PSMD1: variants seen among roughly 807,000 people sequenced by gnomAD.
PSMD1 encodes proteasome 26S subunit, non-ATPase 1, also known as 26S proteasome non-ATPase regulatory subunit 1.
A neutral mutation model predicts 119.0 loss-of-function variants in PSMD1; 18 were observed. That is an observed-to-expected ratio of 0.15 (90% CI 0.10 to 0.22). PSMD1 has a LOEUF of 0.22. Among genes scored for constraint, PSMD1 ranks in the 10% least tolerant of loss-of-function variants. The pLI, the probability that PSMD1 is intolerant of heterozygous loss-of-function variation, is 1.00. For synonymous variants in PSMD1, 374 were observed against 396.6 expected, an observed-to-expected ratio of 0.94 and a Z score of 0.68; for missense variants, 702 against 1,158.5, an observed-to-expected ratio of 0.61 and a Z score of 5.72.
intron 16 of PSMD1, among the ~76,000 whole-genome samples, chr2:231,101,813 G>T (rs760204440): frequency 1.3e-5 from 2 of 152,118 alleles, no homozygotes; most frequent in Non-Finnish European, 2.9e-5. Flanking sequence ...TAGCTATAAA[G>T]GTTGTTGGGT....
At chr2:231,094,073 G>T (rs955725034) in intron 16 of PSMD1, among the ~76,000 whole-genome samples, 3 of 152,170 alleles carry the variant, frequency 2.0e-5, no homozygotes, top group African/African-American at 2.4e-5. Flanking sequence ...AATTTAGGAT[G>T]TGAGTAACAT....
Position 231,057,058 on chromosome 2 carries a change from G to A in PSMD1, c.16+17G>A. 2 of 1,515,980 alleles carry A rather than the reference G, an allele frequency of 1.3e-6. No individual in the cohort carries two copies. The highest frequency in any genetic ancestry group is 1.8e-6 in the Non-Finnish European group (2 of 1,134,262). 93.9% of individuals were successfully genotyped at this position (1,515,980 alleles called of 1,614,324 possible). ...CCTCGGCCGGTGAGTGCGGCCCGTAGCCAGCGCCTGGAGGGAGGAGCCGCC... is the reference window on the plus strand; with the variant it reads ...CCTCGGCCGGTGAGTGCGGCCCGTAACCAGCGCCTGGAGGGAGGAGCCGCC... On this transcript the variant is annotated intron_variant, in intron 1 of 24. Coordinates refer to ENST00000308696, the MANE Select transcript of PSMD1 (RefSeq NM_002807.4).
chr2:231,168,243 A>ACC, intron 23 of PSMD1, among the ~76,000 whole-genome samples: 1 of 152,252 alleles, frequency 6.6e-6, no homozygotes, highest in African/African-American at 2.4e-5. Context: ...CACAGTGGAA[A>ACC]AAAAGAATTT....
chr2:231,110,174 G>T (rs1695106508), intron 16 of PSMD1, among the ~76,000 whole-genome samples: 1 of 152,048 alleles, frequency 6.6e-6, no homozygotes, highest in African/African-American at 2.4e-5. Context: ...ATGAAAATTA[G>T]CCAGGCATGG....
chr2:231,136,301 G>C (rs896196066), intron 16 of PSMD1, among the ~76,000 whole-genome samples: 1 of 152,200 alleles, frequency 6.6e-6, no homozygotes, highest in Non-Finnish European at 1.5e-5. Context: ...TGAAGGTCTT[G>C]AAACAGCCTT....
At chr2:231,162,876 T>A (rs1306184602) in intron 20 of PSMD1, among the ~76,000 whole-genome samples, 2 of 145,842 alleles carry the variant, frequency 1.4e-5, no homozygotes, top group East Asian at 2.0e-4. Context: ...GGCGGGTGGA[T>A]CACGAGGTCA....
At chr2:231,098,204 G>A (rs1406510482) in intron 16 of PSMD1, among the ~76,000 whole-genome samples, 1 of 152,212 alleles carries the variant, frequency 6.6e-6, no homozygotes, top group African/African-American at 2.4e-5. Context: ...AAAGCTACAG[G>A]TTGTAAGTGG....
chr2:231,120,843 A>G (rs772152589), intron 16 of PSMD1, among the ~76,000 whole-genome samples: 2 of 152,234 alleles, frequency 1.3e-5, no homozygotes, highest in African/African-American at 4.8e-5. Flanking sequence ...AGTCCTAAAG[A>G]TTAACACTAC....
intron 1 of PSMD1, 120 bp downstream of exon 1, chr2:231,057,161 CTG>C: frequency 1.6e-6 from 2 of 1,256,052 alleles, no homozygotes. Flanking sequence ...CAGCTTCTTG[CTG>C]CCCAGGGCCC....
chr2:231,162,237 A>G (rs1027381229), intron 20 of PSMD1, among the ~76,000 whole-genome samples: 1 of 152,240 alleles, frequency 6.6e-6, no homozygotes, highest in Non-Finnish European at 1.5e-5. Flanking sequence ...GTTCTTTAAA[A>G]GTCAAAAGGC....
chr2:231,087,242 A>G (rs1172792741), intron 16 of PSMD1, 61 bp downstream of exon 16: 2 of 1,340,312 alleles, frequency 1.5e-6, no homozygotes, highest in Non-Finnish European at 2.1e-6. Flanking sequence ...TGTAGTAGTC[A>G]CTACCGAAAC....
At chr2:231,071,391 A>G (rs1461602567) in intron 6 of PSMD1, among the ~76,000 whole-genome samples, 3 of 152,048 alleles carry the variant, frequency 2.0e-5, no homozygotes, top group Non-Finnish European at 2.9e-5. Context: ...AAGTCTTCCT[A>G]TTACTTGGCT....
At chr2:231,168,416 A>G (rs1026521361) in intron 23 of PSMD1, among the ~76,000 whole-genome samples, 1 of 152,362 alleles carries the variant, frequency 6.6e-6, no homozygotes, top group Admixed American at 6.5e-5. Context: ...TAAATGTCTT[A>G]TCAACTGATG....
chr2:231,121,396 TAATAAACATTTGG>T lies in PSMD1; in HGVS notation c.1884-17337_1884-17325del, dbSNP rs201321302. Reference sequence around the variant, plus strand: ...AAATAAATAAAAATAAATTTAAAGTTAATAAACATTTGGAAGAATGAAATAATATTAAAATGTC... The same window carrying T: ...AAATAAATAAAAATAAATTTAAAGTTAAGAATGAAATAATATTAAAATGTC... On this transcript the variant is annotated intron_variant, in intron 16 of 24. Transcript: ENST00000308696. 7.7e-4 allele frequency among the ~76,000 whole-genome samples: 117 copies of T among 152,244 alleles called. No homozygotes were observed. In the East Asian group the frequency reaches 0.019, roughly 25 times the overall value.
At chr2:231,087,210 T>C in intron 16 of PSMD1, 29 bp downstream of exon 16, 1 of 1,590,458 alleles carries the variant, frequency 6.3e-7, no homozygotes, top group Non-Finnish European at 8.6e-7. Flanking sequence ...TTATTCTATT[T>C]ATATTTCATT....
chr2:231,136,534 C>G (rs2125245689), intron 16 of PSMD1, among the ~76,000 whole-genome samples: 2 of 152,348 alleles, frequency 1.3e-5, no homozygotes, highest in South Asian at 4.1e-4. Flanking sequence ...CTGTCTTGTT[C>G]ACAGGTATCT....
intron 17 of PSMD1, among the ~76,000 whole-genome samples, chr2:231,139,314 CTTTTTTTTTTTTT>C (rs60709158): frequency 5.3e-5 from 5 of 93,540 alleles, no homozygotes; most frequent in East Asian, 6.6e-4. Flanking sequence ...TTTTTTCTTT[CTTTTTTTTTTTTT>C]TTTTTTTTTT....
In PSMD1 at chr2:231,080,307, G is replaced by A. The variant is rs1390976254; in HGVS notation, c.1406G>A (p.Ser469Asn). 5 of 1,596,478 alleles carry A rather than the reference G, an allele frequency of 3.1e-6. No individual in the cohort carries two copies. Among genetic ancestry groups the A allele is most frequent in the Admixed American group, 1.7e-5 (1 of 58,204 alleles). Residue 469 changes from serine to asparagine, a missense_variant, in exon 12 of 25, where the codon AGC becomes AAC. Coordinates refer to ENST00000308696, the MANE Select transcript of PSMD1 (RefSeq NM_002807.4). ...DYLLNQLKNA[S>N]NDIVRHGGSL... ...CTGCTTAATCAGCTTAAGAACGCCA[G>A]CAATGATGTAAGTATTAAAATGGAA...
intron 10 of PSMD1, among the ~76,000 whole-genome samples, 157 bp downstream of exon 10, chr2:231,078,904 C>T (rs1559221791): frequency 6.9e-6 from 1 of 145,476 alleles, no homozygotes; most frequent in Non-Finnish European, 1.5e-5. Flanking sequence ...AGGCGATTCT[C>T]CTGCCTCAGC....
Sources: gnomAD v4.1 joint callset for allele counts (sites outside exome capture counted in the v4.1 genomes callset) on GRCh38, gnomAD v4.1.1 for gene constraint, MANE v1.5 for transcripts, NCBI Gene and HGNC (gene_info 2026-07-23, HGNC 2026-07-21) for gene names.